SLC8A3: variants seen among roughly 807,000 people sequenced by gnomAD.
SLC8A3 encodes the protein sodium/calcium exchanger 3.
A neutral mutation model predicts 65.4 loss-of-function variants in SLC8A3; 37 were observed. The observed-to-expected ratio is 0.57, with a 90% CI of 0.44 to 0.74. The LOEUF (loss-of-function observed/expected upper bound fraction) is 0.74. Ranked by LOEUF, SLC8A3 falls within the 30% of genes least tolerant of loss-of-function variation. SLC8A3 has a pLI of 0.00. For synonymous variants in SLC8A3, 461 were observed against 444.5 expected (o/e 1.04, Z -0.47); for missense variants, 1,112 against 1,172.1 (o/e 0.95, Z 0.75).
At chr14:70,073,532 T>C (rs768552160) in intron 2 of SLC8A3, among the ~76,000 whole-genome samples, 19 of 152,242 alleles carry the variant, frequency 1.2e-4, no homozygotes, top group Non-Finnish European at 2.6e-4. Flanking sequence ...TGCTGTGCCC[T>C]GAAGTTGATA....
chr14:70,162,037 C>T (rs374814877), intron 2 of SLC8A3, among the ~76,000 whole-genome samples: 14 of 143,726 alleles, frequency 9.7e-5, no homozygotes, highest in African/African-American at 3.6e-4. Flanking sequence ...AAAAAATTTC[C>T]GTGGGCTATT....
intron 2 of SLC8A3, among the ~76,000 whole-genome samples, chr14:70,078,012 A>T (rs532566273): frequency 6.6e-6 from 1 of 152,344 alleles, no homozygotes. Flanking sequence ...AGAGTTATAG[A>T]GAGGTGATGA....
intron 2 of SLC8A3, among the ~76,000 whole-genome samples, chr14:70,068,098 A>C (rs1481322395): frequency 6.6e-6 from 1 of 152,282 alleles, no homozygotes; most frequent in East Asian, 1.9e-4. Flanking sequence ...TAGGAAATAC[A>C]TGTCTGGGCT....
intron 2 of SLC8A3, among the ~76,000 whole-genome samples, chr14:70,120,207 C>T (rs1437790493): frequency 2.0e-5 from 3 of 152,182 alleles, no homozygotes; most frequent in African/African-American, 7.2e-5. Context: ...TAAACTTTCA[C>T]TGAGTAAGCC....
rs763215829 is a variant in SLC8A3, at chr14:70,167,259, G to A, written c.1164C>T (p.Thr388=). ...TGGAAATAAAGTCCTCAGGCTCATC[G>A]GTGTGCACCTCGCTCATGCTGGAGG... ...KKASSMSEVH[T]DEPEDFISKV... is the part of the protein sequence containing the mutation. The change falls in exon 2 of 7, where the codon ACC becomes ACT. Residue 388 remains threonine (T), a synonymous_variant. Coordinates refer to ENST00000356921, the MANE Select transcript of SLC8A3 (RefSeq NM_182932.3). 13 of 1,614,144 alleles carry A rather than the reference G, an allele frequency of 8.1e-6. No homozygotes were observed. The highest frequency in any genetic ancestry group is 1.7e-5 in the Admixed American group (1 of 60,022).
chr14:70,125,850 A>G (rs2140202766), intron 2 of SLC8A3, among the ~76,000 whole-genome samples: 1 of 152,296 alleles, frequency 6.6e-6, no homozygotes, highest in African/African-American at 2.4e-5. Context: ...ATCCAACACT[A>G]GCAGTTTTTT....
Position 70,166,624 on chromosome 14 carries a change from A to G in SLC8A3, c.1784+15T>C, listed in dbSNP as rs370426876. ...ATGGGGTCAGGGAGGGGCAGAATAC[A>G]GGAAGGTTACTTACACAGTTTCATC... On this transcript the variant is annotated intron_variant, in intron 2 of 6. Transcript: ENST00000356921. 104 of 1,471,936 alleles carry G rather than the reference A, an allele frequency of 7.1e-5. No individual in the cohort carries two copies. The highest frequency in any genetic ancestry group is 3.8e-5 in the Non-Finnish European group (41 of 1,069,954). The allele number at this position is 1,471,936 out of a possible 1,614,324, so 91.2% of individuals were successfully genotyped here.
intron 2 of SLC8A3, among the ~76,000 whole-genome samples, chr14:70,162,670 G>A (rs1472800039): frequency 3.3e-5 from 5 of 152,122 alleles, no homozygotes; most frequent in Non-Finnish European, 5.9e-5. Flanking sequence ...ATTAGTGTGC[G>A]GGCAGAACCC....
intron 1 of SLC8A3, among the ~76,000 whole-genome samples, chr14:70,174,651 GTTTTTTTTTTGT>G (rs1157743026): frequency 2.0e-4 from 18 of 90,368 alleles, no homozygotes; most frequent in South Asian, 4.4e-4. Flanking sequence ...GACCAAATCC[GTTTTTTTTTTGT>G]TTTTTTTTTT....
At chr14:70,169,528 G>A (rs1269684226) in intron 1 of SLC8A3, among the ~76,000 whole-genome samples, 2 of 152,148 alleles carry the variant, frequency 1.3e-5, no homozygotes, top group East Asian at 3.9e-4. Context: ...GGGGTGATAT[G>A]CAGCTTCATC....
chr14:70,143,770 G>C (rs1427943162), intron 2 of SLC8A3, among the ~76,000 whole-genome samples: 1 of 152,074 alleles, frequency 6.6e-6, no homozygotes, highest in Non-Finnish European at 1.5e-5. Context: ...TGGTGCTTCT[G>C]TTCCAGAATC....
chr14:70,124,346 C>T (rs1894293370), intron 2 of SLC8A3, among the ~76,000 whole-genome samples: 1 of 152,184 alleles, frequency 6.6e-6, no homozygotes, highest in South Asian at 2.1e-4. Context: ...CTCACTCAGT[C>T]GCCAAACATG....
At chr14:70,183,376 T>C (rs1342640592) in intron 1 of SLC8A3, among the ~76,000 whole-genome samples, 2 of 152,158 alleles carry the variant, frequency 1.3e-5, no homozygotes, top group African/African-American at 4.8e-5. Context: ...CACATGTGAG[T>C]CTCCTGTCTA....
intron 1 of SLC8A3, among the ~76,000 whole-genome samples, chr14:70,177,146 CCAGTGCCTAAAT>C (rs2140417464): frequency 6.6e-6 from 1 of 152,214 alleles, no homozygotes; most frequent in African/African-American, 2.4e-5. Flanking sequence ...TTCTGTATGC[CCAGTGCCTAAAT>C]CAGTGCCTGG....
At chr14:70,125,883 A>T (rs1894414752) in intron 2 of SLC8A3, among the ~76,000 whole-genome samples, 2 of 152,208 alleles carry the variant, frequency 1.3e-5, no homozygotes. Flanking sequence ...GTTGAGAACC[A>T]CTGGTTTAAG....
At chr14:70,082,171 C>T (rs1420319954) in intron 2 of SLC8A3, among the ~76,000 whole-genome samples, 2 of 152,180 alleles carry the variant, frequency 1.3e-5, no homozygotes, top group African/African-American at 4.8e-5. Context: ...TCCAAGACCC[C>T]TGCATACTTG....
At chr14:70,047,656 G>C (rs947917881) in intron 6 of SLC8A3, 2 of 152,234 alleles carry the variant, frequency 1.3e-5, no homozygotes, top group Admixed American at 1.3e-4. Context: ...TGTTTGCTTG[G>C]TACAGGAAAG....
intron 2 of SLC8A3, among the ~76,000 whole-genome samples, chr14:70,085,842 C>T (rs145284956): frequency 5.9e-5 from 9 of 152,244 alleles, no homozygotes; most frequent in African/African-American, 2.2e-4. Context: ...TGTATTAACT[C>T]ATCAAATCTC....
chr14:70,108,954 A>T (rs1192887019), intron 2 of SLC8A3, among the ~76,000 whole-genome samples: 2 of 152,082 alleles, frequency 1.3e-5, no homozygotes, highest in African/African-American at 2.4e-5. Context: ...TTTACCTTCT[A>T]TTCTCTCAGG....
Sources: allele counts gnomAD v4.1 joint callset (sites outside exome capture counted in the v4.1 genomes callset), GRCh38; gene constraint gnomAD v4.1.1; transcripts MANE v1.5; gene names NCBI Gene and HGNC (gene_info 2026-07-23, HGNC 2026-07-21).